The following APPL2 variants were observed in gnomAD, a reference collection of about 807,000 sequenced individuals.
The protein encoded by APPL2 is adaptor protein, phosphotyrosine interacting with PH domain and leucine zipper 2.
A neutral mutation model predicts 92.7 loss-of-function variants in APPL2; 84 were observed. The ratio of observed to expected loss-of-function variants is 0.91; its 90% confidence interval spans 0.76 to 1.09. The LOEUF is 1.09. Ranked by LOEUF, APPL2 falls within the 50% of genes least tolerant of loss-of-function variation. The probability of loss-of-function intolerance (pLI) is 0.00; values close to 1 mark genes in which losing one functional copy is unlikely to be tolerated. For missense variants in APPL2, 736 were observed against 824.5 expected, an observed-to-expected ratio of 0.89 and a Z score of 1.31; for synonymous variants, 291 against 291.0, an observed-to-expected ratio of 1.00 and a Z score of 0.00.
chr12:105,217,521 C>G (rs567539526), intron 3 of APPL2, 145 bp downstream of exon 3: 15 of 723,734 alleles, frequency 2.1e-5, no homozygotes, highest in Non-Finnish European at 2.9e-5. Context: ...GATTTCAATA[C>G]ATCAGTGGAA....
At chr12:105,223,378 C>T (rs881279) in intron 2 of APPL2, among the ~76,000 whole-genome samples, 29,702 of 151,992 alleles carry the variant, frequency 0.2, 3,102 homozygotes, top group East Asian at 0.35. Context: ...AGGGAGTGAA[C>T]ACAGACTCGC....
Position 105,191,989 on chromosome 12 carries a change from G to A in APPL2, c.1242-1834C>T, listed in dbSNP as rs571093340. 7.2e-5 allele frequency among the ~76,000 whole-genome samples: 11 copies of A among 152,182 alleles called. No individual in the cohort carries two copies. The East Asian group carries it at 7.7e-4, about 11-fold the overall frequency. ...CCCGATTCATACACCCAGACCAGAC[G>A]TTTTCTTTGCACTCCAGACCTGTAT... is the stretch of plus-strand genomic sequence containing the variant. On this transcript the variant is annotated intron_variant, in intron 14 of 20. Transcript: ENST00000258530.
intron 2 of APPL2, among the ~76,000 whole-genome samples, chr12:105,226,406 G>A (rs1364326261): frequency 1.3e-5 from 2 of 152,202 alleles, no homozygotes; most frequent in African/African-American, 4.8e-5. Context: ...GCCAGCAGGA[G>A]AACCCACGTG....
chr12:105,210,552 G>C (rs1889131404), intron 5 of APPL2, among the ~76,000 whole-genome samples: 1 of 152,088 alleles, frequency 6.6e-6, no homozygotes, highest in Non-Finnish European at 1.5e-5. Context: ...GATTATTCAC[G>C]CTTTTTTATG....
chr12:105,223,985 T>A (rs1357258952), intron 2 of APPL2, among the ~76,000 whole-genome samples: 2 of 152,186 alleles, frequency 1.3e-5, no homozygotes, highest in African/African-American at 4.8e-5. Context: ...GAGCCAAGAC[T>A]GGAACTCAGA....
intron 4 of APPL2, among the ~76,000 whole-genome samples, chr12:105,216,611 T>A (rs1045447680): frequency 1.3e-5 from 2 of 152,160 alleles, no homozygotes; most frequent in African/African-American, 4.8e-5. Context: ...GGAGTGATGC[T>A]GCCACAGCCA....
chr12:105,189,921 G>A, intron 15 of APPL2, 70 bp downstream of exon 15: 1 of 1,610,686 alleles, frequency 6.2e-7, no homozygotes, highest in Non-Finnish European at 8.5e-7. Flanking sequence ...GTCTTTGGTG[G>A]TGGAGGGGGA....
In APPL2 at chr12:105,187,026, T is replaced by TA. The variant is rs756550985; in HGVS notation, c.1634+1246dup. On this transcript the variant is annotated intron_variant, in intron 17 of 20. Coordinates refer to ENST00000258530, the MANE Select transcript of APPL2 (RefSeq NM_018171.5). ...TTGTGAATACTTTTTTCCCATTCTG[T>TA]AGTTTTTCTTTTCACTTTGATGTGC... is the stretch of plus-strand genomic sequence containing the variant. Among the ~76,000 whole-genome samples the TA allele has an allele frequency of 2.6e-5, 4 of 152,142 alleles. No individual in the cohort carries two copies. In the South Asian group the frequency reaches 8.3e-4, roughly 31 times the overall value.
At chr12:105,199,323 T>G (rs919821753) in intron 10 of APPL2, 50 bp downstream of exon 10, 29 of 1,588,326 alleles carry the variant, frequency 1.8e-5, no homozygotes, top group Non-Finnish European at 2.5e-5. Flanking sequence ...TTCAGCCACC[T>G]CTTAGGGAAA....
chr12:105,204,972 G>A (rs557957272), intron 8 of APPL2, among the ~76,000 whole-genome samples: 50 of 152,346 alleles, frequency 3.3e-4, no homozygotes, highest in Non-Finnish European at 6.0e-4. Context: ...CATGAGGACC[G>A]AACATGACTT....
Position 105,217,066 on chromosome 12 carries a change from T to C in APPL2, c.285+3A>G, listed in dbSNP as rs1889751785. 6.2e-7 allele frequency: 1 copy of C among 1,601,418 alleles called. No homozygotes were observed. The highest frequency in any genetic ancestry group is 1.3e-5 in the African/African-American group (1 of 74,688). On this transcript the variant is annotated splice_donor_region_variant and intron_variant, in intron 4 of 20. Coordinates refer to ENST00000258530, the MANE Select transcript of APPL2 (RefSeq NM_018171.5). Reference sequence around the variant, plus strand: ...ATACAAATTTTCTATGTTGCTATCTTACCTCATCCACCACTTTGGAAAAAT... The same window carrying C: ...ATACAAATTTTCTATGTTGCTATCTCACCTCATCCACCACTTTGGAAAAAT...
At chr12:105,174,546 GTT>G (rs1885299878) in intron 20 of APPL2, 98 bp from the exon 21 acceptor site, 1 of 1,327,378 alleles carries the variant, frequency 7.5e-7, no homozygotes, top group South Asian at 1.6e-5. Flanking sequence ...ATCTAGTCTT[GTT>G]TCTCCTGACT....
intron 17 of APPL2, among the ~76,000 whole-genome samples, chr12:105,184,579 T>C (rs1033698641): frequency 1.3e-5 from 2 of 152,284 alleles, no homozygotes; most frequent in African/African-American, 4.8e-5. Context: ...GTATCACCAG[T>C]GGAGGCTGCA....
chr12:105,231,400 G>C (rs1383778330), intron 1 of APPL2, among the ~76,000 whole-genome samples: 1 of 152,186 alleles, frequency 6.6e-6, no homozygotes, highest in Non-Finnish European at 1.5e-5. Context: ...ACGCTGTGCT[G>C]GGCACTAAAC....
intron 2 of APPL2, among the ~76,000 whole-genome samples, chr12:105,223,555 A>T (rs1176664688): frequency 1.3e-5 from 2 of 152,166 alleles, no homozygotes; most frequent in Non-Finnish European, 2.9e-5. Context: ...GCCCATGGGC[A>T]GAGTGGAGAG....
chr12:105,200,831 C>CGTATGTATGTATGTAT (rs67064501), intron 9 of APPL2, among the ~76,000 whole-genome samples: 34 of 144,504 alleles, frequency 2.4e-4, no homozygotes, highest in East Asian at 1.4e-3. Context: ...CCACTCTCTA[C>CGTATGTATGTATGTAT]GTATGTATGT....
intron 14 of APPL2, among the ~76,000 whole-genome samples, chr12:105,194,950 T>C (rs1049194274): frequency 4.6e-5 from 7 of 152,142 alleles, no homozygotes; most frequent in African/African-American, 1.2e-4. Context: ...TTGACACTGA[T>C]AGAAAATGTG....
At chr12:105,200,721 T>C (rs1353908824) in intron 9 of APPL2, among the ~76,000 whole-genome samples, 11 of 152,166 alleles carry the variant, frequency 7.2e-5, no homozygotes, top group Admixed American at 7.2e-4. Context: ...AAGGTTAAAA[T>C]CAGAAGCAAA....
intron 8 of APPL2, among the ~76,000 whole-genome samples, chr12:105,204,495 A>T (rs1888532353): frequency 6.6e-6 from 1 of 152,174 alleles, no homozygotes; most frequent in South Asian, 2.1e-4. Context: ...ATCACAGGTT[A>T]AAAACGGATG....
Sources: gnomAD v4.1 joint callset for allele counts (sites outside exome capture counted in the v4.1 genomes callset) on GRCh38, gnomAD v4.1.1 for gene constraint, MANE v1.5 for transcripts, NCBI Gene and HGNC (gene_info 2026-07-23, HGNC 2026-07-21) for gene names.